Variants in TMEM86A observed in about 807,000 individuals in gnomAD.
The protein encoded by TMEM86A is lysoplasmalogenase TMEM86A.
Under a neutral mutation model 19.8 loss-of-function variants are expected in TMEM86A, and 13 were observed. That is an observed-to-expected ratio of 0.66 (90% CI 0.43 to 1.04). The LOEUF (loss-of-function observed/expected upper bound fraction) is 1.04, where lower values mean the gene tolerates loss of function less well. Ranked by LOEUF, TMEM86A falls within the 50% of genes least tolerant of loss-of-function variation. The pLI is 0.00. For missense variants in TMEM86A, 248 were observed against 306.8 expected (o/e 0.81, Z 1.43); for synonymous variants, 128 against 129.9 (o/e 0.99, Z 0.10).
rs546797766 is a variant in TMEM86A, at chr11:18,699,129, A to G, written c.21+222A>G. 1.1e-3 allele frequency among the ~76,000 whole-genome samples: 164 copies of G among 152,262 alleles called. No individual in the cohort carries two copies. The highest frequency in any genetic ancestry group is 3.4e-3 in the Middle Eastern group (1 of 294). ...CCCAGCCCGCCCGCGGAGGGAGGAA[A>G]ACACTGGCCACGTGACTCGGAAGCG... On this transcript the variant is annotated intron_variant, in intron 1 of 2. Coordinates refer to ENST00000280734, the MANE Select transcript of TMEM86A (RefSeq NM_153347.3). The surrounding 1 kb of genome is among the most constrained non-coding windows in gnomAD (Gnocchi z 4.0).
Position 18,698,814 on chromosome 11 carries a change from C to A in TMEM86A, c.-73C>A. On this transcript the variant is annotated 5_prime_UTR_variant, in exon 1 of 3. Coordinates refer to ENST00000280734, the MANE Select transcript of TMEM86A (RefSeq NM_153347.3). ...CCTCCGGGCTTTGTAGAATCGTCGC[C>A]GGCTTACCTGGCCGTGGGCGCGTCC... 1.5e-6 allele frequency: 1 copy of A among 654,676 alleles called. No homozygotes were observed. The highest frequency in any genetic ancestry group is 2.7e-6 in the Non-Finnish European group (1 of 364,448). The allele number at this position is 654,676 out of a possible 1,614,324, so 40.6% of individuals were successfully genotyped here. A position where few individuals can be genotyped will look rare whatever the true frequency, so the allele number is the denominator to read the frequency against.
chr11:18,702,211 G>T lies in TMEM86A; in HGVS notation c.*202G>T. On this transcript the variant is annotated 3_prime_UTR_variant, in exon 3 of 3. Coordinates refer to ENST00000280734, the MANE Select transcript of TMEM86A (RefSeq NM_153347.3). The stretch of plus-strand genomic sequence containing the variant: ...TTCAGGACAATGCTGAGAGCTAAAA[G>T]AGCCAGCCTAATATCAGACTGGAGC... 1 of 609,070 alleles carries T rather than the reference G, an allele frequency of 1.6e-6. No homozygotes were observed. 37.7% of individuals were successfully genotyped at this position (609,070 alleles called of 1,614,324 possible).
Position 18,701,826 on chromosome 11 carries a change from C to T in TMEM86A, c.540C>T (p.Gly180=), listed in dbSNP as rs748742737. The T allele has an allele frequency of 4.3e-6, 7 of 1,614,010 alleles. No homozygotes were observed. The Admixed American group carries it at 5.0e-5, about 12-fold the overall frequency. ...ADWRWTELAA[G]SGALFFIISD... ...GGCGCTGGACAGAGCTGGCAGCTGG[C>T]AGTGGTGCACTCTTCTTTATCATCT... Residue 180 remains glycine, a synonymous_variant, in exon 3 of 3, where the codon GGC becomes GGT. Transcript: ENST00000280734. This position sits in a 1 kb window ranked among gnomAD's most constrained non-coding sequence, Gnocchi z 5.3.
rs777105438 is a variant in TMEM86A at position 18,699,111 on chromosome 11, C to G, written c.21+204C>G. On this transcript the variant is annotated intron_variant, in intron 1 of 2. Transcript: ENST00000280734. The surrounding 1 kb of genome is among the most constrained non-coding windows in gnomAD (Gnocchi z 4.0). ...CGCCCCTCCTCGCGCGCCCCCAGCC[C>G]GCCCGCGGAGGGAGGAAAACACTGG... is the stretch of plus-strand genomic sequence containing the variant. Among the ~76,000 whole-genome samples, 5 of 152,170 alleles carry G rather than the reference C, an allele frequency of 3.3e-5. No individual in the cohort carries two copies. Among genetic ancestry groups the G allele is most frequent in the African/African-American group, 7.2e-5 (3 of 41,460 alleles).
rs903151080 is a variant in TMEM86A at position 18,701,297 on chromosome 11, G to A, written c.286+100G>A. On this transcript the variant is annotated intron_variant, in intron 2 of 2. Coordinates refer to ENST00000280734, the MANE Select transcript of TMEM86A (RefSeq NM_153347.3). The surrounding 1 kb of genome is among the most constrained non-coding windows in gnomAD (Gnocchi z 5.3). ...TTTGGAAGAGGGAGTTCTTGAACCA[G>A]AGTGTGGGGAGCCTGAGGGTTTCTG... 1 of 1,481,286 alleles carries A rather than the reference G, an allele frequency of 6.8e-7. No homozygotes were observed. Among genetic ancestry groups the A allele is most frequent in the African/African-American group, 1.4e-5 (1 of 71,760 alleles). 91.8% of individuals were successfully genotyped at this position (1,481,286 alleles called of 1,614,324 possible).
Position 18,703,205 on chromosome 11 carries a change from T to C in TMEM86A, c.*1196T>C, listed in dbSNP as rs890483062. The C allele has an allele frequency of 6.6e-6, 1 of 152,366 alleles. No homozygotes were observed. The highest frequency in any genetic ancestry group is 1.5e-5 in the Non-Finnish European group (1 of 68,114). The allele number at this position is 152,366 out of a possible 1,614,324, so 9.4% of individuals were successfully genotyped here. On this transcript the variant is annotated 3_prime_UTR_variant, in exon 3 of 3. Coordinates refer to ENST00000280734, the MANE Select transcript of TMEM86A (RefSeq NM_153347.3). The stretch of plus-strand genomic sequence containing the variant: ...AGAGGCTCTGGCTGTCCTCACAGCC[T>C]AGTCACAGTCCTGGGCAGTGCATCT...
Position 18,702,181 on chromosome 11 carries a change from C to T in TMEM86A, c.*172C>T, listed in dbSNP as rs1038044118. 9 of 670,494 alleles carry T rather than the reference C, an allele frequency of 1.3e-5. No individual in the cohort carries two copies. Among genetic ancestry groups the T allele is most frequent in the African/African-American group, 1.8e-5 (1 of 55,180 alleles). 41.5% of individuals were successfully genotyped at this position (670,494 alleles called of 1,614,324 possible). On this transcript the variant is annotated 3_prime_UTR_variant, in exon 3 of 3. Transcript: ENST00000280734. Reference sequence around the variant, plus strand: ...GGAAAAGGATCTCCCTAGCAGAACTCGTGGTTCAGGACAATGCTGAGAGCT... The same window carrying T: ...GGAAAAGGATCTCCCTAGCAGAACTTGTGGTTCAGGACAATGCTGAGAGCT...
rs1395360775 is a variant in TMEM86A, at chr11:18,699,182, C to T, written c.21+275C>T. Among the ~76,000 whole-genome samples, 2 of 152,198 alleles carry T rather than the reference C, an allele frequency of 1.3e-5. No homozygotes were observed. The highest frequency in any genetic ancestry group is 3.9e-4 in the East Asian group (2 of 5,180). ...ACTTTGTTGATCTCCATGTATTTGG[C>T]GCGGGTCGGCGGGGTCGCGGCCCGG... On this transcript the variant is annotated intron_variant, in intron 1 of 2. Coordinates refer to ENST00000280734, the MANE Select transcript of TMEM86A (RefSeq NM_153347.3). This position sits in a 1 kb window ranked among gnomAD's most constrained non-coding sequence, Gnocchi z 4.0.
At position 18,704,412 on chromosome 11, in the gene TMEM86A, C is replaced by T. The variant is rs537282553; in HGVS notation, c.*2403C>T. On this transcript the variant is annotated 3_prime_UTR_variant, in exon 3 of 3. Transcript: ENST00000280734. ...TTCCTACACTGGGCCATGCAGAGGACAGGCCAAGAAACTCCACATCATAAC... is the reference window on the plus strand; with the variant it reads ...TTCCTACACTGGGCCATGCAGAGGATAGGCCAAGAAACTCCACATCATAAC... 1.2e-5 allele frequency: 14 copies of T among 1,203,278 alleles called. No individual in the cohort carries two copies. In the South Asian group the frequency reaches 1.8e-4, roughly 16 times the overall value. 74.5% of individuals were successfully genotyped at this position (1,203,278 alleles called of 1,614,324 possible).
Position 18,702,318 on chromosome 11 carries a change from AC to A in TMEM86A, c.*316del, listed in dbSNP as rs942996479. 15 of 380,610 alleles carry A rather than the reference AC, an allele frequency of 3.9e-5. No individual in the cohort carries two copies. Among genetic ancestry groups the A allele is most frequent in the South Asian group, 6.3e-5 (2 of 31,682 alleles). The allele number at this position is 380,610 out of a possible 1,614,324, so 23.6% of individuals were successfully genotyped here. A position where few individuals can be genotyped will look rare whatever the true frequency, so the allele number is the denominator to read the frequency against. On this transcript the variant is annotated 3_prime_UTR_variant, in exon 3 of 3. Transcript: ENST00000280734. ...AGGTGATGGTGCTCAGCTTCTTGAC[AC>A]CCCCCCACCCACTTCCCCTACCAGG...
Position 18,702,185 on chromosome 11 carries a change from G to A in TMEM86A, c.*176G>A. ...AAGGATCTCCCTAGCAGAACTCGTG[G>A]TTCAGGACAATGCTGAGAGCTAAAA... On this transcript the variant is annotated 3_prime_UTR_variant, in exon 3 of 3. Coordinates refer to ENST00000280734, the MANE Select transcript of TMEM86A (RefSeq NM_153347.3). The A allele has an allele frequency of 1.5e-6, 1 of 658,658 alleles. No homozygotes were observed. 40.8% of individuals were successfully genotyped at this position (658,658 alleles called of 1,614,324 possible).
chr11:18,702,170 C>T lies in TMEM86A; in HGVS notation c.*161C>T. 1 of 694,104 alleles carries T rather than the reference C, an allele frequency of 1.4e-6. No homozygotes were observed. The highest frequency in any genetic ancestry group is 1.9e-5 in the South Asian group (1 of 53,488). The allele number at this position is 694,104 out of a possible 1,614,324, so 43.0% of individuals were successfully genotyped here. On this transcript the variant is annotated 3_prime_UTR_variant, in exon 3 of 3. Coordinates refer to ENST00000280734, the MANE Select transcript of TMEM86A (RefSeq NM_153347.3). ...GTGGGGAGGCTGGAAAAGGATCTCCCTAGCAGAACTCGTGGTTCAGGACAA... is the reference window on the plus strand; with the variant it reads ...GTGGGGAGGCTGGAAAAGGATCTCCTTAGCAGAACTCGTGGTTCAGGACAA...
chr11:18,699,459 C>T lies in TMEM86A; in HGVS notation c.21+552C>T, dbSNP rs1470725996. ...CTTTTCAGACTTTCTCAACTTGAACCTTTTGTTTCGTCTCCCCATCCTCCT... is the reference window on the plus strand; with the variant it reads ...CTTTTCAGACTTTCTCAACTTGAACTTTTTGTTTCGTCTCCCCATCCTCCT... On this transcript the variant is annotated intron_variant, in intron 1 of 2. Transcript: ENST00000280734. This position sits in a 1 kb window ranked among gnomAD's most constrained non-coding sequence, Gnocchi z 4.0. 1.3e-5 allele frequency among the ~76,000 whole-genome samples: 2 copies of T among 152,242 alleles called. No homozygotes were observed. The highest frequency in any genetic ancestry group is 4.8e-5 in the African/African-American group (2 of 41,468).
In TMEM86A at chr11:18,701,872, A is replaced by C; in HGVS notation, c.586A>C (p.Asn196His). The C allele has an allele frequency of 6.2e-7, 1 of 1,614,080 alleles. No homozygotes were observed. Among genetic ancestry groups the C allele is most frequent in the Non-Finnish European group, 8.5e-7 (1 of 1,180,018 alleles). Residue 196 changes from asparagine (N) to histidine (H), a missense_variant, in exon 3 of 3, where the codon AAC becomes CAC. Asn to His is a moderately conservative substitution (Grantham distance 68). Coordinates refer to ENST00000280734, the MANE Select transcript of TMEM86A (RefSeq NM_153347.3). The surrounding 1 kb of genome is among the most constrained non-coding windows in gnomAD (Gnocchi z 5.3). ...CATCTCAGACCTGACCATCGCCCTC[A>C]ACAAATTCTGTTTTCCTGTGCCCTA... is the stretch of plus-strand genomic sequence containing the variant. Reference protein sequence around the residue: ...FIISDLTIALNKFCFPVPYSR... With the variant: ...FIISDLTIALHKFCFPVPYSR...
In TMEM86A at chr11:18,704,481, T is replaced by A. The variant is rs1297166091; in HGVS notation, c.*2472T>A. Reference sequence around the variant, plus strand: ...CTTGGCTGGAGCTCACATGAGGTGCTTTGATTTCTTCTGCAGACTCTCGGT... The same window carrying A: ...CTTGGCTGGAGCTCACATGAGGTGCATTGATTTCTTCTGCAGACTCTCGGT... On this transcript the variant is annotated 3_prime_UTR_variant, in exon 3 of 3. Transcript: ENST00000280734. 6.4e-7 allele frequency: 1 copy of A among 1,550,660 alleles called. No homozygotes were observed. The highest frequency in any genetic ancestry group is 1.7e-4 in the Middle Eastern group (1 of 5,992).
Position 18,704,509 on chromosome 11 carries a change from T to C in TMEM86A, c.*2500T>C, listed in dbSNP as rs1051077937. ...GATTTCTTCTGCAGACTCTCGGTGA[T>C]GGATGCTACAACTGACTTATCATCT... is the stretch of plus-strand genomic sequence containing the variant. On this transcript the variant is annotated 3_prime_UTR_variant, in exon 3 of 3. Transcript: ENST00000280734. 2 of 1,550,732 alleles carry C rather than the reference T, an allele frequency of 1.3e-6. No individual in the cohort carries two copies. The highest frequency in any genetic ancestry group is 1.7e-6 in the Non-Finnish European group (2 of 1,146,492).
chr11:18,701,131 G>GGGCTT lies in TMEM86A; in HGVS notation c.222_226dup (p.Val76GlyfsTer7). The GGGCTT allele has an allele frequency of 6.2e-7, 1 of 1,613,990 alleles. No homozygotes were observed. The highest frequency in any genetic ancestry group is 8.5e-7 in the Non-Finnish European group (1 of 1,180,022). ...CCCCAGCGCCACCCGCATCTTTGTG[G>GGGCTT]GGCTTGTCTTCTCTGCTGTAGGTGA... On this transcript the variant is annotated frameshift_variant, in exon 2 of 3. Coordinates refer to ENST00000280734, the MANE Select transcript of TMEM86A (RefSeq NM_153347.3). LOFTEE classifies it high-confidence loss of function. This position sits in a 1 kb window ranked among gnomAD's most constrained non-coding sequence, Gnocchi z 5.3.
In TMEM86A at chr11:18,701,997, C is replaced by G; in HGVS notation, c.711C>G (p.Thr237=). 6.2e-7 allele frequency: 1 copy of G among 1,606,102 alleles called. No homozygotes were observed. The highest frequency in any genetic ancestry group is 8.5e-7 in the Non-Finnish European group (1 of 1,179,814). The change falls in exon 3 of 3, where the codon ACC becomes ACG. Residue 237 remains threonine (T), a synonymous_variant. Transcript: ENST00000280734. The surrounding 1 kb of genome is among the most constrained non-coding windows in gnomAD (Gnocchi z 5.3). ...SREPVEHYRL[T]KAN is the part of the protein sequence containing the mutation. ...AGCCTGTGGAACACTACAGACTGAC[C>G]AAGGCCAACTGAGGTGCCAGGGTCT...
rs976663814 is a variant in TMEM86A, at chr11:18,700,833, G to C, written c.22-100G>C. 7 of 1,487,224 alleles carry C rather than the reference G, an allele frequency of 4.7e-6. No individual in the cohort carries two copies. The African/African-American group carries it at 9.7e-5, about 21-fold the overall frequency. 92.1% of individuals were successfully genotyped at this position (1,487,224 alleles called of 1,614,324 possible). ...TCAGGTTGGGGGTGGAAGTGAGGTG[G>C]GGGTATGGATGGGAGTGTCTCTGGG... On this transcript the variant is annotated intron_variant, in intron 1 of 2. Coordinates refer to ENST00000280734, the MANE Select transcript of TMEM86A (RefSeq NM_153347.3).
Sources: gnomAD v4.1 joint callset for allele counts (sites outside exome capture counted in the v4.1 genomes callset) on GRCh38, gnomAD v4.1.1 for gene constraint, Gnocchi (gnomAD v3.1) non-coding constraint, MANE v1.5 for transcripts, NCBI Gene and HGNC (gene_info 2026-07-23, HGNC 2026-07-21) for gene names.